PKIA: variants seen among roughly 807,000 people sequenced by gnomAD.
The protein encoded by PKIA is cAMP-dependent protein kinase inhibitor alpha.
Under a neutral mutation model 7.6 loss-of-function variants are expected in PKIA, and 4 were observed. That is an observed-to-expected ratio of 0.52 (90% CI 0.26 to 1.20). The LOEUF is 1.20. Among genes scored for constraint, PKIA ranks in the 50% most tolerant of loss-of-function variants. The probability of loss-of-function intolerance (pLI) is 0.13; values close to 1 mark genes in which losing one functional copy is unlikely to be tolerated. For synonymous variants in PKIA, 21 were observed against 30.7 expected (o/e 0.68, Z 1.04); for missense variants, 73 against 86.2 (o/e 0.85, Z 0.61).
intron 2 of PKIA, among the ~76,000 whole-genome samples, chr8:78,574,522 A>T (rs543249037): frequency 3.3e-5 from 5 of 152,002 alleles, no homozygotes; most frequent in Non-Finnish European, 7.4e-5. Flanking sequence ...ATTTCATTAA[A>T]GAAGGAAATG....
intron 1 of PKIA, among the ~76,000 whole-genome samples, chr8:78,567,536 T>A (rs995382209): frequency 2.0e-5 from 3 of 152,114 alleles, no homozygotes; most frequent in African/African-American, 7.2e-5. Context: ...TTTGTCAAGA[T>A]GACTTATCAC....
intron 3 of PKIA, among the ~76,000 whole-genome samples, chr8:78,598,936 C>T (rs1469230689): frequency 2.0e-5 from 3 of 151,986 alleles, no homozygotes; most frequent in African/African-American, 7.2e-5. Flanking sequence ...ACAGGTAATT[C>T]TGATAGACTT....
chr8:78,523,299 T>C (rs1172473593), intron 1 of PKIA, among the ~76,000 whole-genome samples: 2 of 151,936 alleles, frequency 1.3e-5, no homozygotes, highest in African/African-American at 4.8e-5. Context: ...TGGGGGGAAT[T>C]ATTAATAAAC....
chr8:78,517,459 C>A (rs140218960), intron 1 of PKIA, among the ~76,000 whole-genome samples: 72 of 152,244 alleles, frequency 4.7e-4, no homozygotes, highest in African/African-American at 1.3e-3. Context: ...CAATTTTAGT[C>A]CAGTTGGATT....
chr8:78,579,669 A>C (rs1008812787), intron 2 of PKIA, among the ~76,000 whole-genome samples: 5 of 152,106 alleles, frequency 3.3e-5, no homozygotes, highest in African/African-American at 1.2e-4. Flanking sequence ...TTTATTAAAT[A>C]ACAAATGCAA....
intron 1 of PKIA, among the ~76,000 whole-genome samples, chr8:78,537,142 T>C (rs1427721170): frequency 6.6e-6 from 1 of 151,708 alleles, no homozygotes; most frequent in Non-Finnish European, 1.5e-5. Flanking sequence ...GCTCTTTTCT[T>C]CCCAAAATTT....
rs111807171 is a variant in PKIA, at chr8:78,587,416, C to T, written c.-27-10942C>T. On this transcript the variant is annotated intron_variant, in intron 2 of 3. Coordinates refer to ENST00000396418, the MANE Select transcript of PKIA (RefSeq NM_006823.4). ...TGACTGGGTAAGACATTGGTCAAGT[C>T]GATTAACCTTTCGCTGCTTTAGTTT... Among the ~76,000 whole-genome samples, 774 of 152,284 alleles carry T rather than the reference C, an allele frequency of 5.1e-3. 9 individuals carry two copies. Among genetic ancestry groups the T allele is most frequent in the African/African-American group, 0.016 (648 of 41,552 alleles).
chr8:78,598,609 C>G lies in PKIA; in HGVS notation c.151+74C>G, dbSNP rs965147035. ...CATTTTACTAAGAGGGATTAAGGCA[C>G]GAAAAGCCATCTTTGAAAGTAATCT... On this transcript the variant is annotated intron_variant, in intron 3 of 3. Coordinates refer to ENST00000396418, the MANE Select transcript of PKIA (RefSeq NM_006823.4). 4.3e-6 allele frequency: 5 copies of G among 1,160,388 alleles called. No homozygotes were observed. The East Asian group carries it at 9.7e-5, about 23-fold the overall frequency. 71.9% of individuals were successfully genotyped at this position (1,160,388 alleles called of 1,614,324 possible). A position where few individuals can be genotyped will look rare whatever the true frequency, so the allele number is the denominator to read the frequency against.
At chr8:78,591,119 GTCTCATT>G (rs1386898021) in intron 2 of PKIA, 1 of 152,522 alleles carries the variant, frequency 6.6e-6, no homozygotes, top group Non-Finnish European at 1.5e-5. Context: ...AAGTCTGTGA[GTCTCATT>G]TCATGTGTCC....
chr8:78,540,348 G>A (rs1038543606), intron 1 of PKIA, among the ~76,000 whole-genome samples: 3 of 151,888 alleles, frequency 2.0e-5, no homozygotes, highest in African/African-American at 7.3e-5. Flanking sequence ...CCCTCAAATA[G>A]ACATAAATAT....
intron 1 of PKIA, among the ~76,000 whole-genome samples, chr8:78,555,019 A>C (rs1807091322): frequency 6.6e-6 from 1 of 152,022 alleles, no homozygotes; most frequent in Non-Finnish European, 1.5e-5. Context: ...AGTCTATGGC[A>C]ATCTGCGTTT....
intron 2 of PKIA, among the ~76,000 whole-genome samples, chr8:78,577,502 GA>G (rs111242232): frequency 6.7e-6 from 1 of 148,170 alleles, no homozygotes. Context: ...ATAAAAGTTT[GA>G]AAAAAAAAGA....
intron 1 of PKIA, among the ~76,000 whole-genome samples, chr8:78,524,603 T>C (rs1169560758): frequency 6.6e-6 from 1 of 151,884 alleles, no homozygotes; most frequent in African/African-American, 2.4e-5. Flanking sequence ...AGACTCTCCA[T>C]TGATAAAAGT....
At chr8:78,564,020 A>C (rs2118526796) in intron 1 of PKIA, among the ~76,000 whole-genome samples, 1 of 152,200 alleles carries the variant, frequency 6.6e-6, no homozygotes, top group East Asian at 1.9e-4. Context: ...GGGAATACGA[A>C]GATCACTGAA....
intron 2 of PKIA, among the ~76,000 whole-genome samples, chr8:78,592,889 A>G (rs1424237039): frequency 6.6e-6 from 1 of 152,232 alleles, no homozygotes; most frequent in African/African-American, 2.4e-5. Context: ...ATGTATTATC[A>G]TGGCAGTTAG....
At chr8:78,598,597 G>A (rs1258963531) in intron 3 of PKIA, 62 bp downstream of exon 3, 1 of 1,341,370 alleles carries the variant, frequency 7.5e-7, no homozygotes, top group African/African-American at 1.5e-5. Flanking sequence ...TTTACTAAGA[G>A]GGATTAAGGC....
At position 78,598,491 on chromosome 8, in the gene PKIA, A is replaced by G. The variant is rs1442695721; in HGVS notation, c.107A>G (p.Asn36Ser). The part of the protein sequence containing the change: ...ILVSSASGNS[N>S]ELALKLAGLD... ...GTTTCCTCTGCAAGTGGCAACAGCA[A>G]TGAATTAGCCTTGAAATTAGCAGGT... The change falls in exon 3 of 4, where the codon AAT becomes AGT. Residue 36 changes from asparagine to serine, a missense_variant. Asn to Ser is a conservative substitution (Grantham distance 46). Transcript: ENST00000396418. 1 of 1,611,946 alleles carries G rather than the reference A, an allele frequency of 6.2e-7. No individual in the cohort carries two copies. Among genetic ancestry groups the G allele is most frequent in the Non-Finnish European group, 8.5e-7 (1 of 1,178,574 alleles).
intron 1 of PKIA, among the ~76,000 whole-genome samples, chr8:78,563,896 G>A (rs562867851): frequency 1.3e-5 from 2 of 152,188 alleles, no homozygotes; most frequent in East Asian, 3.9e-4. Flanking sequence ...TAATCTATAA[G>A]GAGTAGGTCG....
In PKIA at chr8:78,539,612, C is replaced by G. The variant is rs556399725; in HGVS notation, c.-157+23144C>G. Among the ~76,000 whole-genome samples, 3 of 151,730 alleles carry G rather than the reference C, an allele frequency of 2.0e-5. No homozygotes were observed. In the East Asian group the frequency reaches 5.8e-4, roughly 29 times the overall value. The stretch of plus-strand genomic sequence containing the variant: ...AGTAAACTATAATCTACAAGCCAAA[C>G]CCATTCTTAGCTAAGAATGCTTTTT... On this transcript the variant is annotated intron_variant, in intron 1 of 3. Coordinates refer to ENST00000396418, the MANE Select transcript of PKIA (RefSeq NM_006823.4).
Sources: allele counts gnomAD v4.1 joint callset (sites outside exome capture counted in the v4.1 genomes callset), GRCh38; gene constraint gnomAD v4.1.1; transcripts MANE v1.5; gene names NCBI Gene and HGNC (gene_info 2026-07-23, HGNC 2026-07-21).